The following UMAD1 variants were observed in gnomAD, a reference collection of about 807,000 sequenced individuals.
The protein encoded by UMAD1 is UBAP1-MVB12-associated (UMA)-domain containing protein 1.
In UMAD1, 8 loss-of-function variants were observed where a neutral mutation model predicts 6.1. The observed-to-expected ratio is 1.30, with a 90% CI of 0.76 to 2.35. The LOEUF (loss-of-function observed/expected upper bound fraction) is 2.35, where lower values mean the gene tolerates loss of function less well. UMAD1 is among the 30% of genes most tolerant of loss of function. The pLI is 0.00. For missense variants in UMAD1, 130 were observed against 78.4 expected, an observed-to-expected ratio of 1.66 and a Z score of -2.49; for synonymous variants, 56 against 31.4, an observed-to-expected ratio of 1.78 and a Z score of -2.61.
At chr7:7,785,225 A>G (rs77340614) in intron 2 of UMAD1, among the ~76,000 whole-genome samples, 2,254 of 152,330 alleles carry the variant, frequency 0.015, 54 homozygotes, top group African/African-American at 0.051. Flanking sequence ...GTGGTTTGGG[A>G]GAAATGCAGT....
At chr7:7,655,805 A>ATATACACTTAC (rs1401854472) in intron 1 of UMAD1, among the ~76,000 whole-genome samples, 3 of 148,146 alleles carry the variant, frequency 2.0e-5, no homozygotes, top group African/African-American at 7.4e-5. Context: ...TAGTAAGTGT[A>ATATACACTTAC]TATATTTAGG....
intron 2 of UMAD1, among the ~76,000 whole-genome samples, chr7:7,761,242 G>C (rs1781883424): frequency 1.3e-5 from 2 of 152,018 alleles, no homozygotes; most frequent in African/African-American, 4.8e-5. Flanking sequence ...GTATGTGCCT[G>C]TGGTCCCAGC....
chr7:7,736,652 A>G (rs1192915567), intron 2 of UMAD1: 1 of 151,926 alleles, frequency 6.6e-6, no homozygotes, highest in Non-Finnish European at 1.5e-5. Flanking sequence ...TGTTTCTTCC[A>G]AAGTCTGATT....
intron 2 of UMAD1, chr7:7,735,879 T>C (rs1781350192): frequency 6.6e-6 from 1 of 152,258 alleles, no homozygotes; most frequent in South Asian, 2.1e-4. Context: ...AGGAATTGTG[T>C]TTCTAAAAGT....
At chr7:7,731,483 C>CA (rs1284074613) in intron 2 of UMAD1, among the ~76,000 whole-genome samples, 4 of 94,086 alleles carry the variant, frequency 4.3e-5, no homozygotes, top group African/African-American at 1.8e-4. Flanking sequence ...AAACAAACAA[C>CA]CCCCCCCCAA....
intron 2 of UMAD1, among the ~76,000 whole-genome samples, chr7:7,714,319 C>G (rs183428989): frequency 6.6e-6 from 1 of 152,216 alleles, no homozygotes; most frequent in East Asian, 1.9e-4. Context: ...AGCAGACTTT[C>G]TTTGGCTGCT....
chr7:7,703,731 G>C (rs1054467864), intron 2 of UMAD1, among the ~76,000 whole-genome samples: 3 of 152,116 alleles, frequency 2.0e-5, no homozygotes, highest in Admixed American at 2.0e-4. Context: ...CTTGAGCCCA[G>C]GAGTTTGAGA....
At chr7:7,836,514 G>A (rs936497050) in intron 3 of UMAD1, among the ~76,000 whole-genome samples, 1 of 151,772 alleles carries the variant, frequency 6.6e-6, no homozygotes, top group African/African-American at 2.4e-5. Flanking sequence ...GTGTCTCAAG[G>A]CCAAGTGAGA....
intron 3 of UMAD1, among the ~76,000 whole-genome samples, chr7:7,841,588 A>C (rs112066386): frequency 1.3e-5 from 2 of 152,184 alleles, no homozygotes; most frequent in Non-Finnish European, 2.9e-5. Flanking sequence ...ACAGGTGTGA[A>C]CCACCACACC....
At chr7:7,692,821 A>C (rs1247920814) in intron 2 of UMAD1, among the ~76,000 whole-genome samples, 1 of 152,062 alleles carries the variant, frequency 6.6e-6, no homozygotes, top group African/African-American at 2.4e-5. Flanking sequence ...GTTGGTCAGG[A>C]TGGTCTTGAT....
At chr7:7,702,941 G>C (rs571829283) in intron 2 of UMAD1, among the ~76,000 whole-genome samples, 1 of 152,290 alleles carries the variant, frequency 6.6e-6, no homozygotes, top group South Asian at 2.1e-4. Context: ...TTTTTCACTT[G>C]CGTCATTCTC....
At chr7:7,709,373 A>G (rs953149311) in intron 2 of UMAD1, among the ~76,000 whole-genome samples, 2 of 152,218 alleles carry the variant, frequency 1.3e-5, no homozygotes, top group Non-Finnish European at 2.9e-5. Context: ...TTGTCCTCAC[A>G]CCATCTCTTA....
chr7:7,659,820 C>T (rs939027765), intron 1 of UMAD1, among the ~76,000 whole-genome samples: 2 of 152,148 alleles, frequency 1.3e-5, no homozygotes, highest in African/African-American at 2.4e-5. Context: ...ATTAGGTCTG[C>T]TTGGTCCAGA....
chr7:7,719,374 G>C (rs1359928659), intron 2 of UMAD1, among the ~76,000 whole-genome samples: 11 of 152,190 alleles, frequency 7.2e-5, no homozygotes, highest in African/African-American at 2.7e-4. Flanking sequence ...CGCAGCAACT[G>C]AATTTGAAAC....
At chr7:7,862,583 C>T (rs6972172) in intron 3 of UMAD1, among the ~76,000 whole-genome samples, 64,339 of 152,026 alleles carry the variant, frequency 0.42, 14,516 homozygotes, top group African/African-American at 0.54. Context: ...TTGAAGAATT[C>T]GTGCACAAAA....
chr7:7,827,716 A>AC (rs1478043950), intron 3 of UMAD1, among the ~76,000 whole-genome samples: 1 of 152,162 alleles, frequency 6.6e-6, no homozygotes, highest in Non-Finnish European at 1.5e-5. Flanking sequence ...AGTGGGCAAA[A>AC]TGGAACATTT....
chr7:7,642,306 G>A (rs566263844), intron 1 of UMAD1, among the ~76,000 whole-genome samples: 16 of 130,930 alleles, frequency 1.2e-4, no homozygotes, highest in African/African-American at 4.0e-4. Flanking sequence ...AGCTAATAAA[G>A]ATTTTTTTTT....
At chr7:7,829,193 A>G (rs556063170) in intron 3 of UMAD1, among the ~76,000 whole-genome samples, 2 of 152,324 alleles carry the variant, frequency 1.3e-5, no homozygotes, top group African/African-American at 4.8e-5. Context: ...ATTTGGTGAT[A>G]AGGATAAATT....
At chr7:7,721,126 A>G (rs1337200770) in intron 2 of UMAD1, among the ~76,000 whole-genome samples, 1 of 152,184 alleles carries the variant, frequency 6.6e-6, no homozygotes, top group African/African-American at 2.4e-5. Context: ...GCAAGGAAGG[A>G]TTCTGCCCTA....
Sources: allele counts gnomAD v4.1 joint callset (sites outside exome capture counted in the v4.1 genomes callset), GRCh38; gene constraint gnomAD v4.1.1; transcripts MANE v1.5; gene names NCBI Gene and HGNC (gene_info 2026-07-23, HGNC 2026-07-21).